VPS33B: variants seen among roughly 807,000 people sequenced by gnomAD.
The protein encoded by VPS33B is vacuolar protein sorting-associated protein 33B.
Under a neutral mutation model 95.3 loss-of-function variants are expected in VPS33B, and 80 were observed. That is an observed-to-expected ratio of 0.84 (90% CI 0.70 to 1.01). The LOEUF (loss-of-function observed/expected upper bound fraction) is 1.01. Ranked by LOEUF, VPS33B falls within the 50% of genes least tolerant of loss-of-function variation. The pLI, the probability that VPS33B is intolerant of heterozygous loss-of-function variation, is 0.00. For missense variants in VPS33B, 715 were observed against 773.4 expected, an observed-to-expected ratio of 0.92 and a Z score of 0.90; for synonymous variants, 280 against 280.4, an observed-to-expected ratio of 1.00 and a Z score of 0.01.
rs772810626 is a variant in VPS33B at position 91,022,227 on chromosome 15, T to C, written c.23A>G (p.Asp8Gly). ...GGAGAAGTCAGGCAGCTCAGGGGCG[T>C]CCGGCCGATGGGGAAAAGCCATGGC... Reference protein sequence around the residue: MAFPHRPDAPELPDFSML... With the variant: MAFPHRPGAPELPDFSML... The change falls in exon 1 of 23, where the codon GAC becomes GGC. Residue 8 changes from aspartate to glycine, a missense_variant. Transcript: ENST00000333371. The C allele has an allele frequency of 6.3e-7, 1 of 1,579,478 alleles. No individual in the cohort carries two copies.
rs1225246625 is a variant in VPS33B, at chr15:91,007,724, C to G, written c.498+146G>C. On this transcript the variant is annotated intron_variant, in intron 7 of 22. Transcript: ENST00000333371. This position sits in a 1 kb window ranked among gnomAD's most constrained non-coding sequence, Gnocchi z 5.3. ...GCTCCACAGGAAGTCCCACAGAGACCAATCTGTAGCACTCAATCACCACAT... is the reference window on the plus strand; with the variant it reads ...GCTCCACAGGAAGTCCCACAGAGACGAATCTGTAGCACTCAATCACCACAT... 3.5e-6 allele frequency: 4 copies of G among 1,136,278 alleles called. No homozygotes were observed. Among genetic ancestry groups the G allele is most frequent in the Non-Finnish European group, 5.3e-6 (4 of 751,170 alleles). The allele number at this position is 1,136,278 out of a possible 1,614,324, so 70.4% of individuals were successfully genotyped here.
chr15:91,007,407 A>G lies in VPS33B; in HGVS notation c.603+62T>C. ...ATCACAGGTGCCCTTGGATAACCCC[A>G]GGAGGGTACAGAACAGGGAAAACAG... On this transcript the variant is annotated intron_variant, in intron 8 of 22. Coordinates refer to ENST00000333371, the MANE Select transcript of VPS33B (RefSeq NM_018668.5). This position sits in a 1 kb window ranked among gnomAD's most constrained non-coding sequence, Gnocchi z 5.3. 1 of 1,501,068 alleles carries G rather than the reference A, an allele frequency of 6.7e-7. No homozygotes were observed. The highest frequency in any genetic ancestry group is 9.3e-7 in the Non-Finnish European group (1 of 1,077,154). The allele number at this position is 1,501,068 out of a possible 1,614,324, so 93.0% of individuals were successfully genotyped here. A position where few individuals can be genotyped will look rare whatever the true frequency, so the allele number is the denominator to read the frequency against.
chr15:91,002,953 T>C lies in VPS33B; in HGVS notation c.1272+132A>G. 3 of 1,000,382 alleles carry C rather than the reference T, an allele frequency of 3.0e-6. No individual in the cohort carries two copies. The highest frequency in any genetic ancestry group is 4.8e-6 in the Non-Finnish European group (3 of 625,688). The allele number at this position is 1,000,382 out of a possible 1,614,324, so 62.0% of individuals were successfully genotyped here. On this transcript the variant is annotated intron_variant, in intron 17 of 22. Coordinates refer to ENST00000333371, the MANE Select transcript of VPS33B (RefSeq NM_018668.5). The surrounding 1 kb of genome is among the most constrained non-coding windows in gnomAD (Gnocchi z 4.7). ...GAAAGGTGACTCTCCCTAGTAGCTC[T>C]AAGAGGGAGGCCTGAATGGAAACAG...
Position 91,005,079 on chromosome 15 carries a change from G to A in VPS33B, c.1146C>T (p.Tyr382=), listed in dbSNP as rs1423357400. The A allele has an allele frequency of 3.7e-6, 6 of 1,614,218 alleles. No individual in the cohort carries two copies. The highest frequency in any genetic ancestry group is 5.1e-6 in the Non-Finnish European group (6 of 1,180,046). ...CCTGCCGGTCTATGTGTTCCTCAATGTAGCTGGTGCTCTCCCGGATGTTGA... is the reference window on the plus strand; with the variant it reads ...CCTGCCGGTCTATGTGTTCCTCAATATAGCTGGTGCTCTCCCGGATGTTGA... The part of the protein sequence containing the change: ...EGFNIRESTS[Y]IEEHIDRQVS... The change falls in exon 15 of 23, where the codon TAC becomes TAT. Residue 382 remains tyrosine, a synonymous_variant. Transcript: ENST00000333371. This position sits in a 1 kb window ranked among gnomAD's most constrained non-coding sequence, Gnocchi z 6.4.
intron 6 of VPS33B, among the ~76,000 whole-genome samples, chr15:91,008,186 C>T (rs539611834): frequency 6.6e-6 from 1 of 152,326 alleles, no homozygotes; most frequent in East Asian, 1.9e-4. Context: ...CCACAGCAGC[C>T]TGTAATACAA....
intron 5 of VPS33B, among the ~76,000 whole-genome samples, chr15:91,012,499 A>C (rs1395732046): frequency 2.6e-5 from 4 of 152,206 alleles, no homozygotes; most frequent in African/African-American, 4.8e-5. Context: ...ATAAGGCCTC[A>C]AGGGTGGATT....
Position 91,005,201 on chromosome 15 carries a change from T to C in VPS33B, c.1106-82A>G. On this transcript the variant is annotated intron_variant, in intron 14 of 22. Transcript: ENST00000333371. The surrounding 1 kb of genome is among the most constrained non-coding windows in gnomAD (Gnocchi z 6.4). ...ATGCTAACAGGTGTCTGTCTCCCCA[T>C]CTCTTTCTCCATCCTTGGGGTGGGT... 12 of 1,613,002 alleles carry C rather than the reference T, an allele frequency of 7.4e-6. No homozygotes were observed. Among genetic ancestry groups the C allele is most frequent in the Non-Finnish European group, 1.0e-5 (12 of 1,179,798 alleles).
At position 91,009,250 on chromosome 15, in the gene VPS33B, C is replaced by T. The variant is rs2040705193; in HGVS notation, c.403+551G>A. Among the ~76,000 whole-genome samples, 1 of 150,674 alleles carries T rather than the reference C, an allele frequency of 6.6e-6. No homozygotes were observed. Among genetic ancestry groups the T allele is most frequent in the South Asian group, 2.1e-4 (1 of 4,734 alleles). On this transcript the variant is annotated intron_variant, in intron 6 of 22. Transcript: ENST00000333371. The surrounding 1 kb of genome is among the most constrained non-coding windows in gnomAD (Gnocchi z 4.1). ...TGTTCTTTTCTTATCCTTTCTTTTC[C>T]CTCCCTCCCTCTCTCTCTTTCTCTC...
chr15:90,999,852 C>T lies in VPS33B; in HGVS notation c.1657+48G>A, dbSNP rs1014628382. The T allele has an allele frequency of 1.4e-5, 23 of 1,613,466 alleles. No homozygotes were observed. Among genetic ancestry groups the T allele is most frequent in the Non-Finnish European group, 1.9e-5 (23 of 1,179,506 alleles). ...GACATGCTAGTCCTGAGTGGTGCAT[C>T]CAGCCCACCTCTCACTGCCAGCCTA... On this transcript the variant is annotated intron_variant, in intron 21 of 22. Transcript: ENST00000333371. The surrounding 1 kb of genome is among the most constrained non-coding windows in gnomAD (Gnocchi z 5.1).
At position 90,999,318 on chromosome 15, in the gene VPS33B, G is replaced by GTTTTTTTTTTTTTTTTTTTTT; in HGVS notation, c.1775-265_1775-264insAAAAAAAAAAAAAAAAAAAAA. On this transcript the variant is annotated intron_variant, in intron 22 of 22. Transcript: ENST00000333371. This position sits in a 1 kb window ranked among gnomAD's most constrained non-coding sequence, Gnocchi z 5.1. The stretch of plus-strand genomic sequence containing the variant: ...TATTCCTGTGCAGGACACTTTGCGT[G>GTTTTTTTTTTTTTTTTTTTTT]TTTTTTTTTTTTCTCTTGAGATGGA... The GTTTTTTTTTTTTTTTTTTTTT allele has an allele frequency of 2.1e-6, 1 of 480,838 alleles. No individual in the cohort carries two copies. Among genetic ancestry groups the GTTTTTTTTTTTTTTTTTTTTT allele is most frequent in the Non-Finnish European group, 3.8e-6 (1 of 266,356 alleles). 29.8% of individuals were successfully genotyped at this position (480,838 alleles called of 1,614,324 possible). A position where few individuals can be genotyped will look rare whatever the true frequency, so the allele number is the denominator to read the frequency against.
rs1291305929 is a variant in VPS33B at position 91,005,863 on chromosome 15, C to T, written c.940-79G>A. ...CACCCTCCCTCAGTTGCCATCCATC[C>T]ATGAGAAAGGACAGGGAACCTGTCA... On this transcript the variant is annotated intron_variant, in intron 12 of 22. Coordinates refer to ENST00000333371, the MANE Select transcript of VPS33B (RefSeq NM_018668.5). This position sits in a 1 kb window ranked among gnomAD's most constrained non-coding sequence, Gnocchi z 6.4. The T allele has an allele frequency of 1.9e-6, 3 of 1,608,508 alleles. No homozygotes were observed. Among genetic ancestry groups the T allele is most frequent in the Non-Finnish European group, 2.6e-6 (3 of 1,175,576 alleles).
rs373442969 is a variant in VPS33B, at chr15:91,005,834, C to T, written c.940-50G>A. The T allele has an allele frequency of 2.5e-6, 4 of 1,611,962 alleles. No homozygotes were observed. The highest frequency in any genetic ancestry group is 1.1e-5 in the South Asian group (1 of 91,044). The stretch of plus-strand genomic sequence containing the variant: ...ACCCCCCAACCTCAGACACGAGAAA[C>T]CACCACCCTCCCTCAGTTGCCATCC... On this transcript the variant is annotated intron_variant, in intron 12 of 22. Coordinates refer to ENST00000333371, the MANE Select transcript of VPS33B (RefSeq NM_018668.5). The surrounding 1 kb of genome is among the most constrained non-coding windows in gnomAD (Gnocchi z 6.4).
In VPS33B at chr15:91,017,028, CAG is replaced by C. The variant is rs759712564; in HGVS notation, c.178-6_178-5del. Reference sequence around the variant, plus strand: ...ATAGCTTGTCTACTTCGTGTTGCTACAGAGAGAATCCAATAAGACAATGGACA... The same window carrying C: ...ATAGCTTGTCTACTTCGTGTTGCTACAGAGAATCCAATAAGACAATGGACA... On this transcript the variant is annotated splice_polypyrimidine_tract_variant and splice_region_variant and intron_variant, in intron 2 of 22. Transcript: ENST00000333371. 2 of 1,613,800 alleles carry C rather than the reference CAG, an allele frequency of 1.2e-6. No individual in the cohort carries two copies. Among genetic ancestry groups the C allele is most frequent in the Non-Finnish European group, 8.5e-7 (1 of 1,179,906 alleles).
At position 91,002,523 on chromosome 15, in the gene VPS33B, C is replaced by T. The variant is rs762978963; in HGVS notation, c.1273-341G>A. 6.6e-6 allele frequency among the ~76,000 whole-genome samples: 1 copy of T among 151,376 alleles called. No homozygotes were observed. Among genetic ancestry groups the T allele is most frequent in the Non-Finnish European group, 1.5e-5 (1 of 67,916 alleles). ...GCTCGTGCCTGTAGTCTCAGCTCCT[C>T]AGGAGGCTGAGGCACAGAAATGCTT... is the stretch of plus-strand genomic sequence containing the variant. On this transcript the variant is annotated intron_variant, in intron 17 of 22. Coordinates refer to ENST00000333371, the MANE Select transcript of VPS33B (RefSeq NM_018668.5). This position sits in a 1 kb window ranked among gnomAD's most constrained non-coding sequence, Gnocchi z 4.7.
Position 91,005,185 on chromosome 15 carries a change from GGT to G in VPS33B, c.1106-68_1106-67del. On this transcript the variant is annotated intron_variant, in intron 14 of 22. Coordinates refer to ENST00000333371, the MANE Select transcript of VPS33B (RefSeq NM_018668.5). This position sits in a 1 kb window ranked among gnomAD's most constrained non-coding sequence, Gnocchi z 6.4. The stretch of plus-strand genomic sequence containing the variant: ...TCAGCTGCTGCCATCTATGCTAACA[GGT>G]GTCTGTCTCCCCATCTCTTTCTCCA... 1 of 1,613,620 alleles carries G rather than the reference GGT, an allele frequency of 6.2e-7. No individual in the cohort carries two copies. Among genetic ancestry groups the G allele is most frequent in the Non-Finnish European group, 8.5e-7 (1 of 1,179,972 alleles).
Position 90,999,869 on chromosome 15 carries a change from G to T in VPS33B, c.1657+31C>A, listed in dbSNP as rs1382063783. 1 of 1,614,078 alleles carries T rather than the reference G, an allele frequency of 6.2e-7. No homozygotes were observed. The highest frequency in any genetic ancestry group is 8.5e-7 in the Non-Finnish European group (1 of 1,179,966). ...TGGTGCATCCAGCCCACCTCTCACT[G>T]CCAGCCTACCCCACTGTTAATGCCA... is the stretch of plus-strand genomic sequence containing the variant. On this transcript the variant is annotated intron_variant, in intron 21 of 22. Transcript: ENST00000333371. The surrounding 1 kb of genome is among the most constrained non-coding windows in gnomAD (Gnocchi z 5.1).
rs1042029053 is a variant in VPS33B, at chr15:91,009,674, T to G, written c.403+127A>C. The G allele has an allele frequency of 3.1e-6, 3 of 972,998 alleles. No individual in the cohort carries two copies. The Admixed American group carries it at 7.3e-5, about 24-fold the overall frequency. 60.3% of individuals were successfully genotyped at this position (972,998 alleles called of 1,614,324 possible). A position where few individuals can be genotyped will look rare whatever the true frequency, so the allele number is the denominator to read the frequency against. ...TCAGGAACCTCTCCTCCTGCTACAC[T>G]AACAGGAATAAGACCAGGAAAAGAA... On this transcript the variant is annotated intron_variant, in intron 6 of 22. Transcript: ENST00000333371. This position sits in a 1 kb window ranked among gnomAD's most constrained non-coding sequence, Gnocchi z 4.1.
In VPS33B at chr15:91,005,131, C is replaced by T; in HGVS notation, c.1106-12G>A. On this transcript the variant is annotated splice_polypyrimidine_tract_variant and intron_variant, in intron 14 of 22. Transcript: ENST00000333371. The surrounding 1 kb of genome is among the most constrained non-coding windows in gnomAD (Gnocchi z 6.4). ...CCCCTCTAGCAGTGCTGTGAGTAAT[C>T]AGAGGAGAGCCTGTTACTGGGGGCC... is the stretch of plus-strand genomic sequence containing the variant. The T allele has an allele frequency of 1.2e-6, 2 of 1,614,146 alleles. No homozygotes were observed. Among genetic ancestry groups the T allele is most frequent in the Non-Finnish European group, 1.7e-6 (2 of 1,180,038 alleles).
chr15:91,004,958 A>G, intron 15 of VPS33B, 27 bp from the exon 16 acceptor site: 1 of 1,614,154 alleles, frequency 6.2e-7, no homozygotes, highest in Non-Finnish European at 8.5e-7. Flanking sequence ...AATCAAGGAG[A>G]ATTGAAGCTT....
Sources: allele counts gnomAD v4.1 joint callset (sites outside exome capture counted in the v4.1 genomes callset), GRCh38; gene constraint gnomAD v4.1.1; non-coding constraint Gnocchi (gnomAD v3.1); transcripts MANE v1.5; gene names NCBI Gene and HGNC (gene_info 2026-07-23, HGNC 2026-07-21).